Variants in MIS18A observed in about 807,000 individuals in gnomAD.
MIS18A encodes protein Mis18-alpha.
A neutral mutation model predicts 25.0 loss-of-function variants in MIS18A; 14 were observed. The ratio of observed to expected loss-of-function variants is 0.56; its 90% CI spans 0.37 to 0.88. The LOEUF (loss-of-function observed/expected upper bound fraction) is 0.88, where lower values mean the gene tolerates loss of function less well. Ranked by LOEUF, MIS18A falls within the 40% of genes least tolerant of loss-of-function variation. The pLI, the probability that MIS18A is intolerant of heterozygous loss-of-function variation, is 0.00. For synonymous variants in MIS18A, 134 were observed against 118.6 expected, an observed-to-expected ratio of 1.13 and a Z score of -0.84; for missense variants, 292 against 290.8, an observed-to-expected ratio of 1.00 and a Z score of -0.03.
chr21:32,165,989 C>G, the MIS18A span, among the ~76,000 whole-genome samples: 1 of 152,164 alleles, frequency 6.6e-6, no homozygotes, highest in African/African-American at 2.4e-5. Context: ...GATATTAAAA[C>G]CCCATCTTGG....
At chr21:32,161,717 C>A in the MIS18A span, among the ~76,000 whole-genome samples, 2 of 139,042 alleles carry the variant, frequency 1.4e-5, no homozygotes, top group African/African-American at 6.0e-5. Context: ...ATCTCGAATG[C>A]CTGATCTCAG....
downstream of MIS18A, among the ~76,000 whole-genome samples, chr21:32,265,897 C>G (rs574123068): frequency 6.6e-6 from 1 of 151,890 alleles, no homozygotes; most frequent in African/African-American, 2.4e-5. Context: ...GTGCACCAAT[C>G]GGCACTCTGT....
the MIS18A span, among the ~76,000 whole-genome samples, chr21:32,259,163 C>T: frequency 4.6e-5 from 7 of 152,272 alleles, no homozygotes; most frequent in Admixed American, 3.9e-4. Context: ...TGGGAGCCAC[C>T]GTGCCCAGCC....
At chr21:32,169,437 G>T in the MIS18A span, among the ~76,000 whole-genome samples, 1 of 152,110 alleles carries the variant, frequency 6.6e-6, no homozygotes, top group Non-Finnish European at 1.5e-5. Context: ...GGCAAAACTA[G>T]TTGGGCCAAA....
chr21:32,204,436 G>T, the MIS18A span, among the ~76,000 whole-genome samples: 1 of 151,996 alleles, frequency 6.6e-6, no homozygotes, highest in Admixed American at 6.5e-5. Context: ...AGCAGAGGTT[G>T]CAGTGAGCCA....
At chr21:32,208,940 G>A in the MIS18A span, among the ~76,000 whole-genome samples, 1 of 152,204 alleles carries the variant, frequency 6.6e-6, no homozygotes, top group South Asian at 2.1e-4. Context: ...AACCTCCTTT[G>A]TTTAAAATGG....
chr21:32,171,836 T>C, the MIS18A span, among the ~76,000 whole-genome samples: 1 of 151,924 alleles, frequency 6.6e-6, no homozygotes, highest in Non-Finnish European at 1.5e-5. Flanking sequence ...TTGAAACAAA[T>C]AAGAGAAGAC....
chr21:32,208,273 A>AAGGT, the MIS18A span, among the ~76,000 whole-genome samples: 2 of 152,140 alleles, frequency 1.3e-5, no homozygotes, highest in Admixed American at 1.3e-4. Context: ...CCCAGTGTTG[A>AAGGT]AGGTAGGGCC....
intron 1 of MIS18A, 129 bp downstream of exon 1, chr21:32,278,552 T>A: frequency 9.9e-7 from 1 of 1,010,886 alleles, no homozygotes; most frequent in Non-Finnish European, 1.4e-6. Flanking sequence ...GCTCACACTC[T>A]CAGACTTTTT....
chr21:32,180,367 C>T, the MIS18A span, among the ~76,000 whole-genome samples: 2 of 152,146 alleles, frequency 1.3e-5, no homozygotes, highest in African/African-American at 2.4e-5. Context: ...CCCCATTATG[C>T]CACTTTCATT....
chr21:32,251,975 T>C, the MIS18A span, among the ~76,000 whole-genome samples: 1 of 152,108 alleles, frequency 6.6e-6, no homozygotes, highest in Non-Finnish European at 1.5e-5. Flanking sequence ...AGTATAGTTT[T>C]AGAAAATTTC....
the MIS18A span, among the ~76,000 whole-genome samples, chr21:32,240,808 A>G: frequency 0.014 from 1 of 74 alleles, no homozygotes; most frequent in Non-Finnish European, 0.024. Flanking sequence ...CAAGGAAATT[A>G]GTCCAGCCTC....
At chr21:32,172,338 C>T in the MIS18A span, among the ~76,000 whole-genome samples, 2 of 152,064 alleles carry the variant, frequency 1.3e-5, no homozygotes, top group African/African-American at 4.8e-5. Context: ...GATATCCGTG[C>T]TTCCGTGTTC....
the MIS18A span, among the ~76,000 whole-genome samples, chr21:32,182,529 T>C: frequency 6.6e-6 from 1 of 152,146 alleles, no homozygotes; most frequent in African/African-American, 2.4e-5. Context: ...ATTTCATCAT[T>C]CCCGGCTGCT....
chr21:32,186,299 A>G, the MIS18A span, among the ~76,000 whole-genome samples: 1 of 152,224 alleles, frequency 6.6e-6, no homozygotes. Flanking sequence ...TGCCTTGAAT[A>G]GTGAGTAAAA....
chr21:32,249,985 AGAG>A, the MIS18A span, among the ~76,000 whole-genome samples: 1 of 152,180 alleles, frequency 6.6e-6, no homozygotes, highest in Non-Finnish European at 1.5e-5. Context: ...CCCATTTCAC[AGAG>A]GAGAAAACCG....
At chr21:32,185,981 A>C in the MIS18A span, among the ~76,000 whole-genome samples, 1 of 152,068 alleles carries the variant, frequency 6.6e-6, no homozygotes, top group Non-Finnish European at 1.5e-5. Flanking sequence ...CTTCAGCCTC[A>C]TTATCATGCT....
the MIS18A span, among the ~76,000 whole-genome samples, chr21:32,252,221 AAGAAGAAGAAGAAGAAGAAGGAGG>A: frequency 6.7e-4 from 63 of 93,656 alleles, no homozygotes; most frequent in African/African-American, 9.7e-4. Flanking sequence ...GAAGAAGAAG[AAGAAGAAGAAGAAGAAGAAGGAGG>A]AGGAGGAGGA....
At chr21:32,236,443 A>G in the MIS18A span, among the ~76,000 whole-genome samples, 1 of 139,972 alleles carries the variant, frequency 7.1e-6, no homozygotes, top group Admixed American at 7.6e-5. Flanking sequence ...CTGATGAAAC[A>G]GAAACCCAAA....
Sources: gnomAD v4.1 joint callset for allele counts (sites outside exome capture counted in the v4.1 genomes callset) on GRCh38, gnomAD v4.1.1 for gene constraint, MANE v1.5 for transcripts, NCBI Gene and HGNC (gene_info 2026-07-23, HGNC 2026-07-21) for gene names.